Variants in COL10A1 observed in about 807,000 individuals in gnomAD.
COL10A1 encodes the protein collagen alpha-1(X) chain.
A neutral mutation model predicts 18.2 loss-of-function variants in COL10A1; 10 were observed. The ratio of observed to expected loss-of-function variants is 0.55; its 90% CI spans 0.34 to 0.93. COL10A1 has a LOEUF of 0.93. Among genes scored for constraint, COL10A1 ranks in the 40% least tolerant of loss-of-function variants. COL10A1 has a pLI of 0.02. For missense variants in COL10A1, 897 were observed against 853.5 expected (o/e 1.05, Z -0.64); for synonymous variants, 330 against 316.6 (o/e 1.04, Z -0.45).
intron 1 of COL10A1, among the ~76,000 whole-genome samples, chr6:116,142,205 A>T (rs1194694203): frequency 6.6e-6 from 1 of 152,080 alleles, no homozygotes; most frequent in African/African-American, 2.4e-5. Context: ...TTTATTTTTC[A>T]GAAGTTGTGG....
At chr6:116,212,103 A>T in the COL10A1 span, among the ~76,000 whole-genome samples, 1 of 152,080 alleles carries the variant, frequency 6.6e-6, no homozygotes, top group Non-Finnish European at 1.5e-5. Flanking sequence ...ATACTATTTT[A>T]TCAATTCTTT....
chr6:116,126,593 A>G (rs1030176102), upstream of COL10A1, among the ~76,000 whole-genome samples: 2 of 152,172 alleles, frequency 1.3e-5, no homozygotes, highest in African/African-American at 4.8e-5. Context: ...GTCTATTAAT[A>G]TTCATAAATT....
chr6:116,189,513 G>A, the COL10A1 span, among the ~76,000 whole-genome samples: 1 of 151,880 alleles, frequency 6.6e-6, no homozygotes, highest in Non-Finnish European at 1.5e-5. Flanking sequence ...TATTTAGGAG[G>A]AGAAGACACA....
At chr6:116,215,228 C>T in the COL10A1 span, among the ~76,000 whole-genome samples, 1 of 152,108 alleles carries the variant, frequency 6.6e-6, no homozygotes, top group Non-Finnish European at 1.5e-5. Flanking sequence ...ATGCTTCTTA[C>T]CCAGCTTTCT....
chr6:116,146,497 T>G (rs1240371728), intron 1 of COL10A1, among the ~76,000 whole-genome samples: 1 of 152,174 alleles, frequency 6.6e-6, no homozygotes, highest in Non-Finnish European at 1.5e-5. Context: ...CCAGAGAAAT[T>G]CTTAGCTGGC....
intron 1 of COL10A1, among the ~76,000 whole-genome samples, chr6:116,157,685 A>C (rs1780230891): frequency 6.6e-6 from 1 of 152,172 alleles, no homozygotes; most frequent in Non-Finnish European, 1.5e-5. Flanking sequence ...ATTTTTTAAC[A>C]AAACAGAATA....
chr6:116,134,665 T>C (rs1779545871), intron 1 of COL10A1, among the ~76,000 whole-genome samples: 1 of 152,188 alleles, frequency 6.6e-6, no homozygotes, highest in Non-Finnish European at 1.5e-5. Flanking sequence ...TACCTTAAAA[T>C]AATAACTTGG....
upstream of COL10A1, among the ~76,000 whole-genome samples, chr6:116,160,123 A>G (rs537046849): frequency 3.9e-5 from 6 of 152,290 alleles, no homozygotes; most frequent in South Asian, 4.2e-4. Flanking sequence ...TCCTTTATGT[A>G]TATACATAGT....
intron 1 of COL10A1, among the ~76,000 whole-genome samples, chr6:116,145,184 GACAGTTGTCCTCAACAGAGGACA>G (rs1779866235): frequency 6.6e-6 from 1 of 152,068 alleles, no homozygotes. Context: ...TGAGAAGTTG[GACAGTTGTCCTCAACAGAGGACA>G]ACTGATAACA....
Position 116,152,741 on chromosome 6 carries a change from A to C in COL10A1, c.-16+5873T>G, listed in dbSNP as rs963332245. ...CCATACTTCTTGGTTAGAATGTTCCATACTTAGGTTTCCTTTTACAACTCT... is the reference window on the plus strand; with the variant it reads ...CCATACTTCTTGGTTAGAATGTTCCCTACTTAGGTTTCCTTTTACAACTCT... On this transcript the variant is annotated intron_variant, in intron 1 of 1. Coordinates refer to the COL10A1 transcript ENST00000418500. Among the ~76,000 whole-genome samples the C allele has an allele frequency of 3.3e-5, 5 of 152,076 alleles. No homozygotes were observed. The South Asian group carries it at 1.0e-3, about 32-fold the overall frequency.
At chr6:116,205,997 A>G in the COL10A1 span, among the ~76,000 whole-genome samples, 1 of 152,006 alleles carries the variant, frequency 6.6e-6, no homozygotes, top group Admixed American at 6.6e-5. Flanking sequence ...TTTGAGAATG[A>G]TCTAATAGAC....
chr6:116,146,031 C>T (rs749314298), intron 1 of COL10A1, among the ~76,000 whole-genome samples: 7 of 152,190 alleles, frequency 4.6e-5, no homozygotes, highest in Non-Finnish European at 7.3e-5. Context: ...AAAGGATGTC[C>T]TCCTCGTTTT....
At chr6:116,180,332 A>G in the COL10A1 span, among the ~76,000 whole-genome samples, 1 of 152,054 alleles carries the variant, frequency 6.6e-6, no homozygotes, top group Admixed American at 6.5e-5. Context: ...AACGCAAGGT[A>G]ACTCATTGGT....
At chr6:116,147,340 T>G (rs1779923485) in intron 1 of COL10A1, among the ~76,000 whole-genome samples, 3 of 151,214 alleles carry the variant, frequency 2.0e-5, no homozygotes, top group Non-Finnish European at 4.4e-5. Flanking sequence ...TACCTGGGAG[T>G]CTGAGGCAGG....
intron 1 of COL10A1, among the ~76,000 whole-genome samples, chr6:116,135,873 A>ATATATG (rs1491111454): frequency 5.6e-4 from 35 of 62,176 alleles, no homozygotes; most frequent in South Asian, 4.7e-3. Context: ...ATATATATAT[A>ATATATG]CACACATACA....
At chr6:116,208,056 A>G in the COL10A1 span, among the ~76,000 whole-genome samples, 137 of 152,070 alleles carry the variant, frequency 9.0e-4, no homozygotes, top group African/African-American at 3.2e-3. Flanking sequence ...ATAATTGAGC[A>G]CTTCAGTCCT....
chr6:116,148,996 C>G (rs1779966727), intron 1 of COL10A1, among the ~76,000 whole-genome samples: 1 of 152,148 alleles, frequency 6.6e-6, no homozygotes, highest in Non-Finnish European at 1.5e-5. Flanking sequence ...TGAGAATTGA[C>G]AATTCTTTGT....
chr6:116,214,535 C>G, the COL10A1 span, among the ~76,000 whole-genome samples: 499 of 152,158 alleles, frequency 3.3e-3, 10 homozygotes, highest in Non-Finnish European at 1.0e-3. Context: ...AAGTGTGGTT[C>G]TTGGACTGTC....
At chr6:116,171,647 C>G in the COL10A1 span, among the ~76,000 whole-genome samples, 1 of 152,164 alleles carries the variant, frequency 6.6e-6, no homozygotes, top group Non-Finnish European at 1.5e-5. Flanking sequence ...GCTGAATTCT[C>G]TCTTTGGTAT....
Sources: allele counts gnomAD v4.1 joint callset (sites outside exome capture counted in the v4.1 genomes callset), GRCh38; gene constraint gnomAD v4.1.1; transcripts MANE v1.5; gene names NCBI Gene and HGNC (gene_info 2026-07-23, HGNC 2026-07-21).